ADCY2: variants seen among roughly 807,000 people sequenced by gnomAD.
ADCY2 encodes the protein adenylate cyclase type 2.
ADCY2 carries 31 observed loss-of-function variants against 125.2 expected under a neutral mutation model. That is an observed-to-expected ratio of 0.25 (90% CI 0.19 to 0.33). ADCY2 has a LOEUF of 0.33. Ranked by LOEUF, ADCY2 falls within the 10% of genes least tolerant of loss-of-function variation. The pLI, the probability that ADCY2 is intolerant of heterozygous loss-of-function variation, is 1.00. For synonymous variants in ADCY2, 512 were observed against 548.4 expected (o/e 0.93, Z 0.93); for missense variants, 904 against 1,418.2 (o/e 0.64, Z 5.82).
chr5:7,639,213 G>A (rs766131984), intron 4 of ADCY2, among the ~76,000 whole-genome samples: 9 of 152,178 alleles, frequency 5.9e-5, no homozygotes, highest in Non-Finnish European at 1.3e-4. Flanking sequence ...TACAGTGCCT[G>A]CATGGAGTAA....
chr5:7,454,467 A>G (rs1290328508), intron 2 of ADCY2, among the ~76,000 whole-genome samples: 2 of 152,226 alleles, frequency 1.3e-5, no homozygotes, highest in African/African-American at 4.8e-5. Flanking sequence ...CAATGGAGAA[A>G]ACTGTTTTCA....
intron 3 of ADCY2, among the ~76,000 whole-genome samples, chr5:7,591,757 C>T (rs1407085253): frequency 6.6e-6 from 1 of 152,160 alleles, no homozygotes; most frequent in East Asian, 1.9e-4. Flanking sequence ...TAGAATCAAA[C>T]ACACCTAGGT....
In ADCY2 at chr5:7,543,452, G is replaced by C. The variant is rs1389683195; in HGVS notation, c.570+22553G>C. ...TGAGTTGACCCTTTTAGATCAATTAGTAATATGTAAATCCTAAATTTTATT... is the reference window on the plus strand; with the variant it reads ...TGAGTTGACCCTTTTAGATCAATTACTAATATGTAAATCCTAAATTTTATT... On this transcript the variant is annotated intron_variant, in intron 3 of 24. Coordinates refer to ENST00000338316, the MANE Select transcript of ADCY2 (RefSeq NM_020546.3). Among the ~76,000 whole-genome samples, 6 of 152,146 alleles carry C rather than the reference G, an allele frequency of 3.9e-5. No individual in the cohort carries two copies. The East Asian group carries it at 9.7e-4, about 24-fold the overall frequency.
chr5:7,677,299 A>G (rs1378547203), intron 4 of ADCY2, among the ~76,000 whole-genome samples: 1 of 151,934 alleles, frequency 6.6e-6, no homozygotes, highest in Non-Finnish European at 1.5e-5. Flanking sequence ...AAACAAACAA[A>G]CAAAAAAAAA....
intron 14 of ADCY2, among the ~76,000 whole-genome samples, chr5:7,736,237 G>A (rs902091438): frequency 3.9e-5 from 6 of 152,084 alleles, no homozygotes; most frequent in Non-Finnish European, 8.8e-5. Flanking sequence ...AATTAAAAAT[G>A]AAATGAAAGT....
chr5:7,517,550 T>C (rs1300921349), intron 2 of ADCY2, among the ~76,000 whole-genome samples: 4 of 152,162 alleles, frequency 2.6e-5, no homozygotes, highest in Non-Finnish European at 2.9e-5. Context: ...CTCCCTGTCC[T>C]GCCTGCCGAA....
intron 2 of ADCY2, among the ~76,000 whole-genome samples, chr5:7,481,576 T>G (rs958489521): frequency 3.9e-5 from 6 of 152,298 alleles, no homozygotes; most frequent in Admixed American, 3.3e-4. Context: ...CTATGTTGAG[T>G]ACCTTTTCAT....
chr5:7,738,063 A>C (rs546450281), intron 14 of ADCY2, among the ~76,000 whole-genome samples: 1 of 152,334 alleles, frequency 6.6e-6, no homozygotes, highest in African/African-American at 2.4e-5. Flanking sequence ...AAATTATGTC[A>C]GAAGGAAAAA....
intron 2 of ADCY2, among the ~76,000 whole-genome samples, chr5:7,466,182 A>G (rs1742108475): frequency 6.6e-6 from 1 of 152,208 alleles, no homozygotes; most frequent in Admixed American, 6.5e-5. Context: ...TGCTTTGAAT[A>G]TTAACTTCAG....
chr5:7,623,795 C>T (rs989242012), intron 3 of ADCY2, among the ~76,000 whole-genome samples: 1 of 152,184 alleles, frequency 6.6e-6, no homozygotes, highest in Non-Finnish European at 1.5e-5. Context: ...TGCATATCAC[C>T]TGCACACACA....
chr5:7,453,555 C>T (rs1230744212), intron 2 of ADCY2, among the ~76,000 whole-genome samples: 2 of 152,014 alleles, frequency 1.3e-5, no homozygotes, highest in Non-Finnish European at 2.9e-5. Context: ...AAGGAGAGAC[C>T]AAGGTAAATT....
intron 5 of ADCY2, among the ~76,000 whole-genome samples, chr5:7,693,998 A>C (rs1740807223): frequency 6.6e-6 from 1 of 152,196 alleles, no homozygotes; most frequent in Non-Finnish European, 1.5e-5. Flanking sequence ...TGCCACTATA[A>C]GTCAGCGTGG....
intron 3 of ADCY2, among the ~76,000 whole-genome samples, chr5:7,575,179 A>T (rs1249674418): frequency 9.9e-5 from 15 of 152,258 alleles, no homozygotes; most frequent in South Asian, 2.1e-4. Flanking sequence ...AAAAATTTTT[A>T]AATTAAAAAA....
At chr5:7,776,302 G>A (rs1319083497) in intron 18 of ADCY2, among the ~76,000 whole-genome samples, 11 of 151,736 alleles carry the variant, frequency 7.2e-5, no homozygotes, top group East Asian at 3.9e-4. Context: ...CTCACAGGAC[G>A]GCCGGGCAGC....
At chr5:7,433,872 G>T (rs1399315191) in intron 2 of ADCY2, among the ~76,000 whole-genome samples, 3 of 152,030 alleles carry the variant, frequency 2.0e-5, no homozygotes, top group Non-Finnish European at 4.4e-5. Context: ...AAAAAAATTG[G>T]CTATCTTTTG....
chr5:7,720,627 A>G (rs1741729309), intron 12 of ADCY2, among the ~76,000 whole-genome samples: 1 of 150,600 alleles, frequency 6.6e-6, no homozygotes, highest in Non-Finnish European at 1.5e-5. Flanking sequence ...GTTCCCACCT[A>G]TGAGTGAGAA....
At chr5:7,404,320 T>C (rs1739387645) in intron 1 of ADCY2, among the ~76,000 whole-genome samples, 1 of 152,230 alleles carries the variant, frequency 6.6e-6, no homozygotes, top group African/African-American at 2.4e-5. Context: ...CCATTACTTC[T>C]TTTGTGTGTG....
intron 20 of ADCY2, chr5:7,799,828 T>C (rs1311191559): frequency 6.6e-6 from 1 of 152,252 alleles, no homozygotes; most frequent in Non-Finnish European, 1.5e-5. Flanking sequence ...GGAAGTCCCA[T>C]TGGAGATTCT....
At chr5:7,479,813 T>A (rs943318815) in intron 2 of ADCY2, among the ~76,000 whole-genome samples, 1 of 152,172 alleles carries the variant, frequency 6.6e-6, no homozygotes, top group Non-Finnish European at 1.5e-5. Flanking sequence ...ATTGTTTTAA[T>A]TTTTAGTTGC....
Sources: gnomAD v4.1 joint callset for allele counts (sites outside exome capture counted in the v4.1 genomes callset) on GRCh38, gnomAD v4.1.1 for gene constraint, MANE v1.5 for transcripts, NCBI Gene and HGNC (gene_info 2026-07-23, HGNC 2026-07-21) for gene names.